Variants in NOD2 observed in about 807,000 individuals in gnomAD.
NOD2 encodes the protein nucleotide-binding oligomerization domain-containing protein 2.
In NOD2, 86 loss-of-function variants were observed where a neutral mutation model predicts 90.9. The ratio of observed to expected loss-of-function variants is 0.95; its 90% CI spans 0.79 to 1.13. The LOEUF (loss-of-function observed/expected upper bound fraction) is 1.13. Among genes scored for constraint, NOD2 ranks in the 50% most tolerant of loss-of-function variants. NOD2 has a pLI of 0.00. For synonymous variants in NOD2, 581 were observed against 554.6 expected (o/e 1.05, Z -0.67); for missense variants, 1,238 against 1,283.8 (o/e 0.96, Z 0.55).
rs1965467984 is a variant in NOD2 at position 50,731,832 on chromosome 16, G to A, written c.*13G>A. ...ACTCTTGCTTTGAAGTCTCCGGGAG[G>A]ATGTTCGTCTCAGTTTGTTTGTGAG... is the stretch of plus-strand genomic sequence containing the variant. On this transcript the variant is annotated 3_prime_UTR_variant, in exon 12 of 12. Coordinates refer to ENST00000647318, the MANE Select transcript of NOD2 (RefSeq NM_001370466.1). 6.2e-7 allele frequency: 1 copy of A among 1,607,398 alleles called. No homozygotes were observed. The highest frequency in any genetic ancestry group is 8.5e-7 in the Non-Finnish European group (1 of 1,174,228).
At position 50,721,328 on chromosome 16, in the gene NOD2, C is replaced by T. The variant is rs56930767; in HGVS notation, c.2634-1294C>T. On this transcript the variant is annotated intron_variant, in intron 7 of 11. Transcript: ENST00000647318. Reference sequence around the variant, plus strand: ...CAGGCGTTGTGCTAAAACCCCCAAACGCTGTCATATGATACAAAGTGTTCT... The same window carrying T: ...CAGGCGTTGTGCTAAAACCCCCAAATGCTGTCATATGATACAAAGTGTTCT... Among the ~76,000 whole-genome samples the T allele has an allele frequency of 2.5e-3, 373 of 150,856 alleles. 5 individuals are homozygous for T. Among genetic ancestry groups the T allele is most frequent in the African/African-American group, 8.4e-3 (345 of 40,964 alleles).
chr16:50,699,877 C>A lies in NOD2; in HGVS notation c.382C>A (p.Leu128Met), dbSNP rs765122435. The A allele has an allele frequency of 1.9e-6, 3 of 1,613,166 alleles. No homozygotes were observed. The African/African-American group carries it at 4.0e-5, about 22-fold the overall frequency. Residue 128 changes from leucine (L) to methionine (M), a missense_variant, in exon 2 of 12, where the codon CTG (leucine) becomes ATG (methionine). By Grantham distance (15) the Leu-to-Met change is conservative. Around this residue, in one of 3 missense-constraint regions of NOD2, gnomAD observed 567 missense variants for 577.3 expected, o/e 0.98. Transcript: ENST00000647318. ...CAGCCATGTGGAGAACATGCTGGAC[C>A]TGGCATGGGAGCGGGGTTTCGTCAG... ...LHSHVENMLD[L>M]AWERGFVSQY... is the part of the protein sequence containing the mutation.
chr16:50,705,562 C>T (rs1964150344), intron 2 of NOD2, among the ~76,000 whole-genome samples: 1 of 152,202 alleles, frequency 6.6e-6, no homozygotes, highest in African/African-American at 2.4e-5. Context: ...ATCAAGTTAT[C>T]TGAGTACACC....
Position 50,732,517 on chromosome 16 carries a change from C to CA in NOD2, c.*700dup, listed in dbSNP as rs1380374605. ...GGACACGTGACAGCCGTTTGTTCCC[C>CA]AAGACATTCTAGGTTTGCAAGAAAA... On this transcript the variant is annotated 3_prime_UTR_variant, in exon 12 of 12. Transcript: ENST00000647318. The CA allele has an allele frequency of 6.5e-6, 1 of 153,568 alleles. No individual in the cohort carries two copies. Among genetic ancestry groups the CA allele is most frequent in the Admixed American group, 6.4e-5 (1 of 15,508 alleles). The allele number at this position is 153,568 out of a possible 1,614,324, so 9.5% of individuals were successfully genotyped here.
intron 1 of NOD2, chr16:50,697,754 A>C: frequency 3.5e-6 from 1 of 284,330 alleles, no homozygotes; most frequent in Non-Finnish European, 7.0e-6. Context: ...AAGTAACCTC[A>C]TTGCCTCAGT....
chr16:50,726,152 G>A (rs76006016), intron 10 of NOD2, among the ~76,000 whole-genome samples: 3 of 152,164 alleles, frequency 2.0e-5, no homozygotes, highest in African/African-American at 4.8e-5. Flanking sequence ...TCAGTGGCTT[G>A]GGACTTGTGC....
chr16:50,721,821 T>C (rs1379453903), intron 7 of NOD2, among the ~76,000 whole-genome samples: 1 of 152,148 alleles, frequency 6.6e-6, no homozygotes, highest in East Asian at 1.9e-4. Context: ...AGCTGCAGAG[T>C]GTTACATAAT....
At chr16:50,715,136 G>A (rs546140063) in intron 4 of NOD2, among the ~76,000 whole-genome samples, 1 of 152,312 alleles carries the variant, frequency 6.6e-6, no homozygotes, top group East Asian at 1.9e-4. Flanking sequence ...GTTAAGAGTG[G>A]GGTTTGGAGC....
In NOD2 at chr16:50,710,188, G is replaced by A. The variant is rs188089251; in HGVS notation, c.566-370G>A. Among the ~76,000 whole-genome samples the A allele has an allele frequency of 5.9e-4, 90 of 152,286 alleles. No homozygotes were observed. In the South Asian group the frequency reaches 0.017, roughly 29 times the overall value. On this transcript the variant is annotated intron_variant, in intron 3 of 11. Transcript: ENST00000647318. Reference sequence around the variant, plus strand: ...CGATCCCAGCCCAGAGCCCCTTCCCGTCATCTAGAACTCCTCCTGGTGTCA... The same window carrying A: ...CGATCCCAGCCCAGAGCCCCTTCCCATCATCTAGAACTCCTCCTGGTGTCA...
chr16:50,703,692 A>C (rs1964046461), intron 2 of NOD2, among the ~76,000 whole-genome samples: 2 of 151,838 alleles, frequency 1.3e-5, no homozygotes, highest in African/African-American at 4.8e-5. Flanking sequence ...TCAAAAAAAA[A>C]AAAAAAAAAA....
chr16:50,720,028 G>A lies in NOD2; in HGVS notation c.2633+20G>A, dbSNP rs750673986. 5 of 1,608,130 alleles carry A rather than the reference G, an allele frequency of 3.1e-6. No individual in the cohort carries two copies. The highest frequency in any genetic ancestry group is 1.6e-4 in the Middle Eastern group (1 of 6,068). Reference sequence around the variant, plus strand: ...CCTGGGGTAGGTTGGATTCCAGGAAGAGGGACCTGCATGGAGGGGCTTGGG... The same window carrying A: ...CCTGGGGTAGGTTGGATTCCAGGAAAAGGGACCTGCATGGAGGGGCTTGGG... On this transcript the variant is annotated intron_variant, in intron 7 of 11. Coordinates refer to ENST00000647318, the MANE Select transcript of NOD2 (RefSeq NM_001370466.1).
At chr16:50,726,366 C>T (rs1039925493) in intron 10 of NOD2, among the ~76,000 whole-genome samples, 1 of 152,242 alleles carries the variant, frequency 6.6e-6, no homozygotes. Flanking sequence ...TAGAGACAGA[C>T]AGACAGACAG....
rs77762224 is a variant in NOD2, at chr16:50,701,228, T to C, written c.459+1274T>C. On this transcript the variant is annotated intron_variant, in intron 2 of 11. Transcript: ENST00000647318. The stretch of plus-strand genomic sequence containing the variant: ...ATTTGCTTAAAGTTTGTTGTGTTCA[T>C]AGAGCTTTGCACACGGTAGGTACTC... 8.1e-4 allele frequency among the ~76,000 whole-genome samples: 124 copies of C among 152,368 alleles called. 2 individuals are homozygous for C. In the East Asian group the frequency reaches 0.016, roughly 19 times the overall value.
rs757517796 is a variant in NOD2 at position 50,711,033 on chromosome 16, C to T, written c.1041C>T (p.Val347=). ...TACTCCTTGACCACCCTGACCGTGTCCTGTTAACCTTTGATGGCTTTGACG... is the reference window on the plus strand; with the variant it reads ...TACTCCTTGACCACCCTGACCGTGTTCTGTTAACCTTTGATGGCTTTGACG... ...FQLLLDHPDR[V]LLTFDGFDEF... The change falls in exon 4 of 12, where the codon GTC becomes GTT. Residue 347 remains valine, a synonymous_variant. Coordinates refer to ENST00000647318, the MANE Select transcript of NOD2 (RefSeq NM_001370466.1). 17 of 1,614,092 alleles carry T rather than the reference C, an allele frequency of 1.1e-5. No individual in the cohort carries two copies. Among genetic ancestry groups the T allele is most frequent in the South Asian group, 5.5e-5 (5 of 91,090 alleles).
intron 10 of NOD2, among the ~76,000 whole-genome samples, 165 bp downstream of exon 10, chr16:50,725,737 T>C (rs976784997): frequency 3.3e-5 from 5 of 152,140 alleles, no homozygotes; most frequent in Admixed American, 2.6e-4. Context: ...GCAAGTTGTT[T>C]ATCTGGGAGG....
intron 6 of NOD2, among the ~76,000 whole-genome samples, chr16:50,717,472 A>T (rs1049836888): frequency 1.3e-5 from 2 of 152,076 alleles, no homozygotes; most frequent in African/African-American, 4.8e-5. Context: ...TCTCTCTCCT[A>T]CCTGATGCCT....
intron 3 of NOD2, among the ~76,000 whole-genome samples, chr16:50,708,475 G>A (rs749536415): frequency 4.6e-5 from 7 of 152,266 alleles, no homozygotes; most frequent in Non-Finnish European, 8.8e-5. Flanking sequence ...GGTGCTTTAT[G>A]GACAATGTCT....
intron 8 of NOD2, 31 bp downstream of exon 8, chr16:50,722,736 T>C: frequency 1.2e-6 from 2 of 1,603,818 alleles, no homozygotes; most frequent in Non-Finnish European, 8.5e-7. Context: ...TGCAGTTTTC[T>C]TGGGGAGATC....
chr16:50,714,688 G>A (rs1396825789), intron 4 of NOD2, among the ~76,000 whole-genome samples: 1 of 151,632 alleles, frequency 6.6e-6, no homozygotes, highest in African/African-American at 2.4e-5. Context: ...GGGAGGAAGG[G>A]GGAGGGCACA....
Sources: allele counts gnomAD v4.1 joint callset (sites outside exome capture counted in the v4.1 genomes callset), GRCh38; gene constraint gnomAD v4.1.1; regional missense constraint gnomAD v4.1.1; transcripts MANE v1.5; gene names NCBI Gene and HGNC (gene_info 2026-07-23, HGNC 2026-07-21).